The following PUM1 variants were observed in gnomAD, a reference collection of about 807,000 sequenced individuals.
PUM1 encodes pumilio RNA binding family member 1.
In PUM1, 13 loss-of-function variants were observed where a neutral mutation model predicts 131.8. The observed-to-expected ratio is 0.10, with a 90% CI of 0.06 to 0.16. The LOEUF is 0.16. Among genes scored for constraint, PUM1 ranks in the 10% least tolerant of loss-of-function variants. The pLI, the probability that PUM1 is intolerant of heterozygous loss-of-function variation, is 1.00. For missense variants in PUM1, 961 were observed against 1,512.4 expected (o/e 0.64, Z 6.05); for synonymous variants, 509 against 556.5 (o/e 0.91, Z 1.20).
chr1:31,054,219 G>C (rs1644182052), intron 2 of PUM1, among the ~76,000 whole-genome samples: 1 of 151,936 alleles, frequency 6.6e-6, no homozygotes, highest in African/African-American at 2.4e-5. Flanking sequence ...CCCAGGATAG[G>C]GAGGCTAAGG....
chr1:30,972,355 AGGG>A (rs1557562775), intron 10 of PUM1, among the ~76,000 whole-genome samples: 19 of 46 alleles, frequency 0.41, 9 homozygotes, highest in African/African-American at 1. Flanking sequence ...AGGGGAGGGG[AGGG>A]GAGGGGAGGG....
intron 3 of PUM1, among the ~76,000 whole-genome samples, chr1:31,022,594 C>T (rs1166589581): frequency 1.3e-5 from 2 of 152,138 alleles, no homozygotes; most frequent in Non-Finnish European, 2.9e-5. Flanking sequence ...TAGAAAACAC[C>T]TTCTCCTATC....
At chr1:31,043,351 C>T (rs575555211) in intron 2 of PUM1, among the ~76,000 whole-genome samples, 2 of 151,878 alleles carry the variant, frequency 1.3e-5, no homozygotes, top group African/African-American at 2.4e-5. Flanking sequence ...TATAGGCACC[C>T]CCCCATCATG....
chr1:30,992,375 A>G lies in PUM1; in HGVS notation c.1158+15T>C, dbSNP rs753851376. ...GGAGGGAGAGTAGAGAGGGTGACAG[A>G]GACACACACAGTACCTGTTGTTGAG... On this transcript the variant is annotated intron_variant, in intron 7 of 21. Coordinates refer to ENST00000426105, the MANE Select transcript of PUM1 (RefSeq NM_001020658.2). The G allele has an allele frequency of 1.9e-6, 3 of 1,608,978 alleles. No homozygotes were observed. The highest frequency in any genetic ancestry group is 2.7e-5 in the African/African-American group (2 of 74,806).
At chr1:31,036,335 C>T (rs1643611456) in intron 2 of PUM1, among the ~76,000 whole-genome samples, 1 of 152,166 alleles carries the variant, frequency 6.6e-6, no homozygotes, top group Admixed American at 6.5e-5. Context: ...TCCCAAAGTG[C>T]TGGGATTACA....
intron 2 of PUM1, among the ~76,000 whole-genome samples, chr1:31,048,139 T>G (rs1479104777): frequency 6.6e-6 from 1 of 151,258 alleles, no homozygotes; most frequent in Non-Finnish European, 1.5e-5. Flanking sequence ...CTCGGGAGGC[T>G]GAGGCAGGAG....
chr1:31,037,162 A>G (rs1643637960), intron 2 of PUM1: 1 of 153,254 alleles, frequency 6.5e-6, no homozygotes, highest in Non-Finnish European at 1.5e-5. Context: ...GGCATCAACT[A>G]TTCAGCAATA....
chr1:31,057,662 T>C lies in PUM1; in HGVS notation c.363+1542A>G, dbSNP rs549630223. Among the ~76,000 whole-genome samples the C allele has an allele frequency of 2.4e-4, 33 of 137,332 alleles. No homozygotes were observed. The South Asian group carries it at 6.8e-3, about 28-fold the overall frequency. 90.1% of individuals were successfully genotyped at this position (137,332 alleles called of 152,430 possible). A position where few individuals can be genotyped will look rare whatever the true frequency, so the allele number is the denominator to read the frequency against. On this transcript the variant is annotated intron_variant, in intron 2 of 21. Coordinates refer to ENST00000426105, the MANE Select transcript of PUM1 (RefSeq NM_001020658.2). ...ATTGCTTAAACCTGGGAGGGGGAGG[T>C]TGCAGTGAGCCGAGATTGTGCCACT...
intron 3 of PUM1, among the ~76,000 whole-genome samples, chr1:31,010,163 G>GA (rs1642557479): frequency 6.6e-6 from 1 of 152,164 alleles, no homozygotes; most frequent in Non-Finnish European, 1.5e-5. Flanking sequence ...CTTGGGCAAA[G>GA]ACAGAAGCAA....
intron 7 of PUM1, among the ~76,000 whole-genome samples, chr1:30,990,089 A>G (rs1350506172): frequency 1.3e-5 from 2 of 152,254 alleles, no homozygotes; most frequent in Non-Finnish European, 2.9e-5. Flanking sequence ...AAAACACGGT[A>G]GTTCTCAAAG....
intron 6 of PUM1, 135 bp downstream of exon 6, chr1:30,994,919 T>C (rs562504936): frequency 1.3e-5 from 12 of 899,674 alleles, no homozygotes; most frequent in South Asian, 4.1e-5. Context: ...CTTTGTAGCA[T>C]AGCCTACACT....
In PUM1 at chr1:30,969,316, C is replaced by CAAAAAAAAAAAAAAAAAA. The variant is rs763999971; in HGVS notation, c.1507-842_1507-825dup. Among the ~76,000 whole-genome samples, 7 of 51,174 alleles carry CAAAAAAAAAAAAAAAAAA rather than the reference C, an allele frequency of 1.4e-4. 1 individual carries two copies. Among genetic ancestry groups the CAAAAAAAAAAAAAAAAAA allele is most frequent in the East Asian group, 5.1e-4 (1 of 1,958 alleles). 33.6% of individuals were successfully genotyped at this position (51,174 alleles called of 152,430 possible). On this transcript the variant is annotated intron_variant, in intron 10 of 21. Coordinates refer to ENST00000426105, the MANE Select transcript of PUM1 (RefSeq NM_001020658.2). ...AAAACTCCATTTCAAAACACACACA[C>CAAAAAAAAAAAAAAAAAA]AAAAAAAAAAAAAAAAAAAAGAAAA...
chr1:31,046,036 C>T (rs886126426), intron 2 of PUM1, among the ~76,000 whole-genome samples: 2 of 151,678 alleles, frequency 1.3e-5, no homozygotes, highest in African/African-American at 2.4e-5. Flanking sequence ...GAGCCGAGAT[C>T]GTGCCACTAC....
intron 2 of PUM1, among the ~76,000 whole-genome samples, chr1:31,057,429 GAA>G (rs1311021894): frequency 1.8e-5 from 2 of 111,808 alleles, no homozygotes; most frequent in Non-Finnish European, 1.9e-5. Flanking sequence ...AAAAGAAAAA[GAA>G]AAAAAAAAAA....
At chr1:30,998,895 A>C (rs1323344436) in intron 5 of PUM1, among the ~76,000 whole-genome samples, 1 of 152,232 alleles carries the variant, frequency 6.6e-6, no homozygotes, top group African/African-American at 2.4e-5. Flanking sequence ...GAAGACCCTA[A>C]AGACAATAGA....
chr1:31,041,908 C>G lies in PUM1; in HGVS notation c.364-13044G>C, dbSNP rs76521743. ...GAAAGATAAAAATGTGCATACAGTA[C>G]TGAGTGGCTCAAATCATGTAAAAAT... On this transcript the variant is annotated intron_variant, in intron 2 of 21. Transcript: ENST00000426105. 6.4e-3 allele frequency among the ~76,000 whole-genome samples: 971 copies of G among 152,140 alleles called. 11 individuals carry two copies. The highest frequency in any genetic ancestry group is 0.022 in the African/African-American group (918 of 41,516).
At chr1:30,999,996 G>C (rs919756721) in intron 5 of PUM1, among the ~76,000 whole-genome samples, 5 of 152,314 alleles carry the variant, frequency 3.3e-5, no homozygotes, top group African/African-American at 1.2e-4. Flanking sequence ...CTATGATTAG[G>C]GTTAGGCATC....
In PUM1 at chr1:31,065,685, T is replaced by C. The variant is rs1325479672; in HGVS notation, c.-81A>G. On this transcript the variant is annotated 5_prime_UTR_variant, in exon 1 of 22. Coordinates refer to ENST00000426105, the MANE Select transcript of PUM1 (RefSeq NM_001020658.2). Reference sequence around the variant, plus strand: ...CTCTCTCTGGCGCTCTCGCTCCCCCTTACCTTTCACTCCGACAACATGGCG... The same window carrying C: ...CTCTCTCTGGCGCTCTCGCTCCCCCCTACCTTTCACTCCGACAACATGGCG... The C allele has an allele frequency of 5.2e-6, 8 of 1,548,952 alleles. No homozygotes were observed. The highest frequency in any genetic ancestry group is 1.4e-5 in the African/African-American group (1 of 72,676).
intron 2 of PUM1, among the ~76,000 whole-genome samples, chr1:31,047,781 A>C (rs1330631053): frequency 6.6e-6 from 1 of 152,194 alleles, no homozygotes; most frequent in Non-Finnish European, 1.5e-5. Flanking sequence ...ATCTCTACTA[A>C]AAGTACAAAA....
Sources: allele counts gnomAD v4.1 joint callset (sites outside exome capture counted in the v4.1 genomes callset), GRCh38; gene constraint gnomAD v4.1.1; transcripts MANE v1.5; gene names NCBI Gene and HGNC (gene_info 2026-07-23, HGNC 2026-07-21).